Variants in TMTC2 observed in about 807,000 individuals in gnomAD.
TMTC2 encodes the protein protein O-mannosyl-transferase TMTC2.
Under a neutral mutation model 82.4 loss-of-function variants are expected in TMTC2, and 43 were observed. That is an observed-to-expected ratio of 0.52 (90% CI 0.41 to 0.67). TMTC2 has a LOEUF of 0.67. TMTC2 is among the 30% of genes least tolerant of loss of function. The pLI is 0.00. For missense variants in TMTC2, 919 were observed against 1,012.4 expected (o/e 0.91, Z 1.25); for synonymous variants, 408 against 381.9 (o/e 1.07, Z -0.80).
intron 9 of TMTC2, among the ~76,000 whole-genome samples, chr12:83,041,767 A>C (rs1177974948): frequency 7.4e-6 from 1 of 134,732 alleles, no homozygotes; most frequent in Non-Finnish European, 1.7e-5. Flanking sequence ...GGGAAAATTA[A>C]TGGATTGTTT....
chr12:82,759,235 T>A (rs952202198), intron 1 of TMTC2: 7 of 152,210 alleles, frequency 4.6e-5, no homozygotes, highest in African/African-American at 1.7e-4. Flanking sequence ...TGTGTCTCAG[T>A]GCTCTAGTGT....
chr12:82,792,073 C>T (rs1878496074), intron 1 of TMTC2, among the ~76,000 whole-genome samples: 1 of 152,072 alleles, frequency 6.6e-6, no homozygotes, highest in Non-Finnish European at 1.5e-5. Context: ...CAAGAAGCAG[C>T]AAGGTAGAGG....
At position 82,951,874 on chromosome 12, in the gene TMTC2, A is replaced by G. The variant is rs1056363645; in HGVS notation, c.1599-13150A>G. ...CTTAGTTAAAATGTCATTTTTAACC[A>G]GTATTTAACATAGTTTAATTAAGGA... On this transcript the variant is annotated intron_variant, in intron 4 of 11. Transcript: ENST00000321196. Among the ~76,000 whole-genome samples, 7 of 152,352 alleles carry G rather than the reference A, an allele frequency of 4.6e-5. No homozygotes were observed. The East Asian group carries it at 1.3e-3, about 29-fold the overall frequency.
intron 1 of TMTC2, among the ~76,000 whole-genome samples, chr12:82,729,057 C>T (rs575310790): frequency 1.3e-5 from 2 of 152,250 alleles, no homozygotes; most frequent in African/African-American, 4.8e-5. Context: ...AGCGCTGCCC[C>T]CTGCTCCAGG....
chr12:82,883,055 CAAAAAAAAAAAAAAA>C (rs66496024), intron 2 of TMTC2, among the ~76,000 whole-genome samples: 2 of 68,258 alleles, frequency 2.9e-5, no homozygotes, highest in Non-Finnish European at 3.8e-5. Context: ...AACTTGGTCT[CAAAAAAAAAAAAAAA>C]AAAAAAAAAA....
intron 1 of TMTC2, among the ~76,000 whole-genome samples, chr12:82,820,616 C>T (rs1285424311): frequency 1.3e-5 from 2 of 152,188 alleles, no homozygotes; most frequent in East Asian, 3.8e-4. Context: ...CTCAGGTGAT[C>T]TGCCTGCCTC....
At chr12:82,719,085 A>ATATATATAT (rs1282211374) in intron 1 of TMTC2, among the ~76,000 whole-genome samples, 9 of 41,414 alleles carry the variant, frequency 2.2e-4, no homozygotes, top group African/African-American at 8.1e-4. Context: ...ATATATATAT[A>ATATATATAT]TTTTTTTTTT....
At chr12:82,701,882 C>A (rs1165318869) in intron 1 of TMTC2, among the ~76,000 whole-genome samples, 2 of 151,934 alleles carry the variant, frequency 1.3e-5, no homozygotes, top group Admixed American at 6.6e-5. Flanking sequence ...AAAATGTTAA[C>A]AATTTTTTCT....
chr12:82,880,938 G>A (rs1206862800), intron 2 of TMTC2, among the ~76,000 whole-genome samples: 1 of 152,154 alleles, frequency 6.6e-6, no homozygotes, highest in African/African-American at 2.4e-5. Context: ...ATGTCAGGCT[G>A]AAAGAATTAT....
At chr12:83,104,095 T>C (rs773865409) in intron 11 of TMTC2, among the ~76,000 whole-genome samples, 4 of 152,208 alleles carry the variant, frequency 2.6e-5, no homozygotes, top group Admixed American at 6.5e-5. Flanking sequence ...CAGGGCACAC[T>C]GGTGCAAGGG....
At chr12:82,727,014 A>G (rs1373993221) in intron 1 of TMTC2, among the ~76,000 whole-genome samples, 1 of 151,710 alleles carries the variant, frequency 6.6e-6, no homozygotes, top group Non-Finnish European at 1.5e-5. Flanking sequence ...TTCCTGAGCC[A>G]CAGTTGAGTG....
intron 3 of TMTC2, among the ~76,000 whole-genome samples, chr12:82,926,470 C>G (rs1313318292): frequency 1.3e-5 from 2 of 152,182 alleles, no homozygotes; most frequent in Non-Finnish European, 2.9e-5. Context: ...GAAGCCAGCT[C>G]TGTAACATAT....
intron 1 of TMTC2, among the ~76,000 whole-genome samples, chr12:82,800,252 C>A (rs1365293766): frequency 2.0e-5 from 3 of 152,092 alleles, no homozygotes; most frequent in Non-Finnish European, 4.4e-5. Context: ...TATGAAATGA[C>A]AGCCAACAAG....
At chr12:82,835,420 T>C (rs1328252431) in intron 1 of TMTC2, among the ~76,000 whole-genome samples, 7 of 152,222 alleles carry the variant, frequency 4.6e-5, no homozygotes, top group Admixed American at 4.6e-4. Flanking sequence ...TATTTTTCCA[T>C]GCAAATGCTG....
At chr12:82,976,473 T>C (rs906806287) in intron 7 of TMTC2, among the ~76,000 whole-genome samples, 2 of 152,110 alleles carry the variant, frequency 1.3e-5, no homozygotes, top group African/African-American at 4.8e-5. Flanking sequence ...ACTTCAAGAG[T>C]TTCCCCTTAA....
intron 3 of TMTC2, among the ~76,000 whole-genome samples, chr12:82,905,160 C>G (rs182480975): frequency 3.3e-4 from 51 of 152,244 alleles, no homozygotes; most frequent in Admixed American, 2.7e-3. Context: ...GGATCTCAAA[C>G]TGGTCACCTC....
At chr12:83,012,456 C>A (rs1259441507) in intron 8 of TMTC2, among the ~76,000 whole-genome samples, 1 of 152,006 alleles carries the variant, frequency 6.6e-6, no homozygotes. Context: ...AAGTCCTCAG[C>A]ATTAAGAAGG....
intron 1 of TMTC2, among the ~76,000 whole-genome samples, chr12:82,770,011 T>A (rs1877200051): frequency 1.3e-5 from 2 of 152,326 alleles, no homozygotes; most frequent in South Asian, 4.1e-4. Flanking sequence ...TACTTTTTAT[T>A]GAAAATGATA....
intron 1 of TMTC2, among the ~76,000 whole-genome samples, chr12:82,708,733 G>A (rs1456007682): frequency 6.6e-6 from 1 of 152,154 alleles, no homozygotes; most frequent in Non-Finnish European, 1.5e-5. Flanking sequence ...TGCCTCCTTA[G>A]CTGCAAGCCT....
Sources: gnomAD v4.1 joint callset for allele counts (sites outside exome capture counted in the v4.1 genomes callset) on GRCh38, gnomAD v4.1.1 for gene constraint, MANE v1.5 for transcripts, NCBI Gene and HGNC (gene_info 2026-07-23, HGNC 2026-07-21) for gene names.